FHIT: variants seen among roughly 807,000 people sequenced by gnomAD.
The protein encoded by FHIT is bis(5'-adenosyl)-triphosphatase.
In FHIT, 19 loss-of-function variants were observed where a neutral mutation model predicts 17.9. The ratio of observed to expected loss-of-function variants is 1.06; its 90% CI spans 0.74 to 1.56. The LOEUF (loss-of-function observed/expected upper bound fraction) is 1.56, where lower values mean the gene tolerates loss of function less well. FHIT is among the 40% of genes most tolerant of loss of function. The probability of loss-of-function intolerance (pLI) is 0.00; values close to 1 mark genes in which losing one functional copy is unlikely to be tolerated. For synonymous variants in FHIT, 81 were observed against 69.7 expected (o/e 1.16, Z -0.81); for missense variants, 248 against 189.2 (o/e 1.31, Z -1.82).
chr3:60,168,779 G>C (rs1246086771), intron 5 of FHIT, among the ~76,000 whole-genome samples: 1 of 152,184 alleles, frequency 6.6e-6, no homozygotes, highest in African/African-American at 2.4e-5. Context: ...GAAGCTAAAA[G>C]GTTGAAGATT....
intron 3 of FHIT, among the ~76,000 whole-genome samples, chr3:60,971,726 T>A (rs991034283): frequency 6.6e-6 from 1 of 152,220 alleles, no homozygotes; most frequent in Non-Finnish European, 1.5e-5. Flanking sequence ...GATTACCTCA[T>A]GGCTAGTGGT....
intron 4 of FHIT, among the ~76,000 whole-genome samples, chr3:60,638,958 C>G (rs1441216491): frequency 6.8e-6 from 1 of 147,460 alleles, no homozygotes; most frequent in Non-Finnish European, 1.5e-5. Context: ...TAACTTCATA[C>G]ATCAGACTAA....
At chr3:59,814,039 T>TACACATACACAC (rs1553685358) in intron 8 of FHIT, among the ~76,000 whole-genome samples, 1 of 72,852 alleles carries the variant, frequency 1.4e-5, no homozygotes, top group Non-Finnish European at 2.8e-5. Context: ...TAAAAAAATT[T>TACACATACACAC]ACACATACAC....
intron 7 of FHIT, among the ~76,000 whole-genome samples, chr3:59,974,866 T>C (rs1337835541): frequency 6.6e-6 from 1 of 152,134 alleles, no homozygotes; most frequent in Non-Finnish European, 1.5e-5. Context: ...CCAGACCTTA[T>C]CAGTGGTCAA....
At chr3:60,191,270 C>A (rs1702391623) in intron 5 of FHIT, among the ~76,000 whole-genome samples, 2 of 151,996 alleles carry the variant, frequency 1.3e-5, no homozygotes, top group African/African-American at 4.8e-5. Flanking sequence ...AATGCTTAAA[C>A]ACATGTTTTA....
intron 2 of FHIT, among the ~76,000 whole-genome samples, chr3:61,068,661 G>C (rs182448275): frequency 3.0e-4 from 44 of 148,108 alleles, no homozygotes; most frequent in African/African-American, 1.1e-3. Context: ...TATCTTTGGG[G>C]GGAGGGCGCA....
At chr3:61,217,579 C>G (rs2039720859) in intron 1 of FHIT, among the ~76,000 whole-genome samples, 1 of 152,152 alleles carries the variant, frequency 6.6e-6, no homozygotes, top group African/African-American at 2.4e-5. Flanking sequence ...CTGGTCAGGT[C>G]AGTCACAAAC....
intron 7 of FHIT, among the ~76,000 whole-genome samples, chr3:59,942,405 C>A (rs934191414): frequency 6.6e-6 from 1 of 152,152 alleles, no homozygotes. Flanking sequence ...CATTTTCACC[C>A]TCCTCATACG....
chr3:60,552,339 C>T (rs1167561172), intron 4 of FHIT, among the ~76,000 whole-genome samples: 1 of 152,158 alleles, frequency 6.6e-6, no homozygotes, highest in Non-Finnish European at 1.5e-5. Flanking sequence ...TGAACGTACA[C>T]CTAAGAGTGA....
intron 5 of FHIT, among the ~76,000 whole-genome samples, chr3:60,094,391 C>A (rs1405694191): frequency 6.6e-6 from 1 of 151,944 alleles, no homozygotes; most frequent in African/African-American, 2.4e-5. Flanking sequence ...ATGAAACTCA[C>A]AGTTTTAGTG....
chr3:60,918,543 G>C (rs933223838), intron 3 of FHIT, among the ~76,000 whole-genome samples: 1 of 152,194 alleles, frequency 6.6e-6, no homozygotes, highest in African/African-American at 2.4e-5. Context: ...GTGTCAGAGA[G>C]TTCTGAGGAG....
At chr3:60,037,991 G>A (rs544811582) in intron 5 of FHIT, among the ~76,000 whole-genome samples, 1 of 152,138 alleles carries the variant, frequency 6.6e-6, no homozygotes, top group Admixed American at 6.6e-5. Context: ...TGGGATTACA[G>A]GTGTGAGGCA....
At chr3:60,257,703 A>C (rs1706073310) in intron 5 of FHIT, among the ~76,000 whole-genome samples, 1 of 152,162 alleles carries the variant, frequency 6.6e-6, no homozygotes, top group African/African-American at 2.4e-5. Flanking sequence ...TAGCTCAAAA[A>C]TATATGCAGA....
intron 3 of FHIT, among the ~76,000 whole-genome samples, chr3:60,965,895 C>T (rs769919309): frequency 6.6e-6 from 1 of 152,212 alleles, no homozygotes; most frequent in Non-Finnish European, 1.5e-5. Context: ...CAGGGACCCA[C>T]TTGAGGAGGC....
chr3:60,423,196 TGAGTA>T (rs1454964939), intron 5 of FHIT, among the ~76,000 whole-genome samples: 20 of 152,122 alleles, frequency 1.3e-4, no homozygotes, highest in Middle Eastern at 6.8e-3. Context: ...TTCAGGTCCT[TGAGTA>T]GAGTAGAGTA....
rs1188519944 is a variant in FHIT at position 59,927,537 on chromosome 3, G to A, written c.280-5123C>T. 2.0e-5 allele frequency among the ~76,000 whole-genome samples: 3 copies of A among 151,606 alleles called. No individual in the cohort carries two copies. The East Asian group carries it at 5.8e-4, about 29-fold the overall frequency. Reference sequence around the variant, plus strand: ...AATCCCAGCACTTTGGGAGGCCGAGGCGGGCGGATCACGAGGTCAGGAGTT... The same window carrying A: ...AATCCCAGCACTTTGGGAGGCCGAGACGGGCGGATCACGAGGTCAGGAGTT... On this transcript the variant is annotated intron_variant, in intron 7 of 9. Coordinates refer to ENST00000492590, the MANE Select transcript of FHIT (RefSeq NM_002012.4).
intron 3 of FHIT, among the ~76,000 whole-genome samples, chr3:60,931,108 G>T (rs58267016): frequency 6.6e-6 from 1 of 151,642 alleles, no homozygotes; most frequent in South Asian, 2.1e-4. Context: ...GCAAACTATC[G>T]CAAGGAGAAA....
intron 2 of FHIT, among the ~76,000 whole-genome samples, chr3:61,043,600 G>A (rs916359674): frequency 1.3e-5 from 2 of 152,188 alleles, no homozygotes; most frequent in African/African-American, 4.8e-5. Context: ...AGACTTAAAC[G>A]TCCCTGTCTG....
At chr3:60,174,508 A>T (rs1403233695) in intron 5 of FHIT, among the ~76,000 whole-genome samples, 1 of 152,196 alleles carries the variant, frequency 6.6e-6, no homozygotes, top group Non-Finnish European at 1.5e-5. Context: ...ACTGGAAAAA[A>T]AGTCTATTAT....
Sources: allele counts gnomAD v4.1 joint callset (sites outside exome capture counted in the v4.1 genomes callset), GRCh38; gene constraint gnomAD v4.1.1; transcripts MANE v1.5; gene names NCBI Gene and HGNC (gene_info 2026-07-23, HGNC 2026-07-21).